Variants in TBC1D8 observed in about 807,000 individuals in gnomAD.
The protein encoded by TBC1D8 is BUB2-like protein 1.
A neutral mutation model predicts 118.8 loss-of-function variants in TBC1D8; 65 were observed. That is an observed-to-expected ratio of 0.55 (90% CI 0.45 to 0.67). The LOEUF is 0.67. TBC1D8 is among the 30% of genes least tolerant of loss of function. The pLI, the probability that TBC1D8 is intolerant of heterozygous loss-of-function variation, is 0.00. For synonymous variants in TBC1D8, 566 were observed against 595.8 expected (o/e 0.95, Z 0.73); for missense variants, 1,376 against 1,471.2 (o/e 0.94, Z 1.06).
chr2:101,120,907 C>G (rs1678068979), intron 1 of TBC1D8, among the ~76,000 whole-genome samples: 1 of 152,196 alleles, frequency 6.6e-6, no homozygotes. Flanking sequence ...GACAATGACA[C>G]CTGAAAGCTG....
chr2:101,047,462 C>A (rs1431730616), intron 5 of TBC1D8, among the ~76,000 whole-genome samples: 2 of 152,220 alleles, frequency 1.3e-5, no homozygotes, highest in Non-Finnish European at 2.9e-5. Context: ...CATGAAGAGA[C>A]TGTTTTCCCC....
chr2:101,150,226 G>C (rs1679495727), intron 1 of TBC1D8, among the ~76,000 whole-genome samples: 1 of 152,042 alleles, frequency 6.6e-6, no homozygotes, highest in South Asian at 2.1e-4. Context: ...ACTAACCCGG[G>C]GACCTAACCT....
At chr2:101,138,482 C>T (rs1248854501) in intron 1 of TBC1D8, among the ~76,000 whole-genome samples, 1 of 152,122 alleles carries the variant, frequency 6.6e-6, no homozygotes, top group African/African-American at 2.4e-5. Context: ...ACGAGACTGG[C>T]CCCATTTCAG....
intron 1 of TBC1D8, among the ~76,000 whole-genome samples, chr2:101,104,214 A>C (rs1377789589): frequency 6.7e-6 from 1 of 148,922 alleles, no homozygotes; most frequent in East Asian, 1.9e-4. Context: ...GAAAGAAATC[A>C]AAGGAGATCT....
At position 101,111,897 on chromosome 2, in the gene TBC1D8, G is replaced by A. The variant is rs547847018; in HGVS notation, c.128-21533C>T. Among the ~76,000 whole-genome samples, 7 of 140,722 alleles carry A rather than the reference G, an allele frequency of 5.0e-5. No homozygotes were observed. In the South Asian group the frequency reaches 1.6e-3, roughly 32 times the overall value. 92.3% of individuals were successfully genotyped at this position (140,722 alleles called of 152,430 possible). A position where few individuals can be genotyped will look rare whatever the true frequency, so the allele number is the denominator to read the frequency against. On this transcript the variant is annotated intron_variant, in intron 1 of 19. Coordinates refer to ENST00000409318, the MANE Select transcript of TBC1D8 (RefSeq NM_001330348.2). ...ACAGTGGTTACAATGGTCAAATGTTGTGTACTTGACCATAGTTTTAAAAAA... is the reference window on the plus strand; with the variant it reads ...ACAGTGGTTACAATGGTCAAATGTTATGTACTTGACCATAGTTTTAAAAAA...
At chr2:101,084,012 T>G (rs1051634421) in intron 2 of TBC1D8, among the ~76,000 whole-genome samples, 39 of 152,172 alleles carry the variant, frequency 2.6e-4, no homozygotes, top group African/African-American at 9.4e-4. Context: ...AAATTCTTAC[T>G]CAAGGGATGT....
At chr2:101,083,694 C>T (rs567291617) in intron 2 of TBC1D8, among the ~76,000 whole-genome samples, 2 of 152,352 alleles carry the variant, frequency 1.3e-5, no homozygotes, top group South Asian at 4.1e-4. Context: ...AGCAGCCAAA[C>T]TCAAGTGAAG....
At chr2:101,037,906 T>C (rs2105396876) in intron 7 of TBC1D8, among the ~76,000 whole-genome samples, 198 bp from the exon 8 acceptor site, 1 of 152,238 alleles carries the variant, frequency 6.6e-6, no homozygotes, top group South Asian at 2.1e-4. Context: ...CGGGTGAGGC[T>C]GTCCCGGTCC....
intron 1 of TBC1D8, among the ~76,000 whole-genome samples, chr2:101,132,897 T>A (rs1228834951): frequency 6.6e-6 from 1 of 151,892 alleles, no homozygotes; most frequent in African/African-American, 2.4e-5. Flanking sequence ...ACTGTTTCTG[T>A]TTTTACTTTG....
Position 101,118,468 on chromosome 2 carries a change from G to A in TBC1D8, c.128-28104C>T, listed in dbSNP as rs1320941826. ...TCCCAGCACTTTGGGAGGCCAAGGC[G>A]GGTGGATCACAAGGTCAGGAGATCG... On this transcript the variant is annotated intron_variant, in intron 1 of 19. Coordinates refer to ENST00000409318, the MANE Select transcript of TBC1D8 (RefSeq NM_001330348.2). Among the ~76,000 whole-genome samples the A allele has an allele frequency of 8.4e-5, 12 of 143,386 alleles. No individual in the cohort carries two copies. In the East Asian group the frequency reaches 1.7e-3, roughly 21 times the overall value. 94.1% of individuals were successfully genotyped at this position (143,386 alleles called of 152,430 possible). A position where few individuals can be genotyped will look rare whatever the true frequency, so the allele number is the denominator to read the frequency against.
intron 1 of TBC1D8, among the ~76,000 whole-genome samples, chr2:101,105,717 G>A (rs1015084985): frequency 3.3e-5 from 5 of 151,424 alleles, no homozygotes; most frequent in Non-Finnish European, 7.4e-5. Context: ...AAAAACTGAC[G>A]ATACCAATTG....
chr2:101,041,311 C>A (rs1173803075), intron 5 of TBC1D8, among the ~76,000 whole-genome samples: 3 of 152,170 alleles, frequency 2.0e-5, no homozygotes, highest in Non-Finnish European at 4.4e-5. Context: ...AGTGGATAAA[C>A]AAAATGTAGT....
At chr2:101,080,390 C>T (rs571714493) in intron 2 of TBC1D8, among the ~76,000 whole-genome samples, 105 of 152,226 alleles carry the variant, frequency 6.9e-4, no homozygotes, top group African/African-American at 2.5e-3. Context: ...GCACTTCCTT[C>T]GCTACCCTGG....
intron 2 of TBC1D8, among the ~76,000 whole-genome samples, chr2:101,061,186 T>TC (rs1553409960): frequency 8.1e-5 from 3 of 36,834 alleles, no homozygotes; most frequent in Non-Finnish European, 1.6e-4. Context: ...AGACTCTGTC[T>TC]CAAAAAAAAA....
At chr2:101,028,261 G>C (rs760001571) in intron 13 of TBC1D8, 42 bp downstream of exon 13, 2 of 1,579,584 alleles carry the variant, frequency 1.3e-6, no homozygotes, top group Non-Finnish European at 1.7e-6. Flanking sequence ...TTCCCGGGGG[G>C]TTAGGGGCTG....
chr2:101,024,675 G>A (rs1473834438), intron 15 of TBC1D8, among the ~76,000 whole-genome samples: 5 of 152,100 alleles, frequency 3.3e-5, no homozygotes, highest in Admixed American at 6.5e-5. Context: ...CCACAGTGCT[G>A]GGATTACAGA....
At chr2:101,128,742 C>A (rs1678459555) in intron 1 of TBC1D8, among the ~76,000 whole-genome samples, 1 of 152,188 alleles carries the variant, frequency 6.6e-6, no homozygotes, top group South Asian at 2.1e-4. Context: ...CATATACATA[C>A]AATAGAATAT....
At chr2:101,148,785 A>G (rs1679424744) in intron 1 of TBC1D8, among the ~76,000 whole-genome samples, 1 of 152,188 alleles carries the variant, frequency 6.6e-6, no homozygotes, top group South Asian at 2.1e-4. Flanking sequence ...AAAAGTCTAC[A>G]ACCTGCCAGA....
intron 2 of TBC1D8, among the ~76,000 whole-genome samples, chr2:101,071,370 T>TAAA (rs1674421755): frequency 1.0e-5 from 1 of 95,266 alleles, no homozygotes; most frequent in South Asian, 3.0e-4. Context: ...AACAAACAAA[T>TAAA]AAATAAATAA....
Sources: allele counts gnomAD v4.1 joint callset (sites outside exome capture counted in the v4.1 genomes callset), GRCh38; gene constraint gnomAD v4.1.1; transcripts MANE v1.5; gene names NCBI Gene and HGNC (gene_info 2026-07-23, HGNC 2026-07-21).